The following TRIM71 variants were observed in gnomAD, a reference collection of about 807,000 sequenced individuals.
The protein encoded by TRIM71 is E3 ubiquitin-protein ligase TRIM71.
Under a neutral mutation model 61.2 loss-of-function variants are expected in TRIM71, and 9 were observed. The observed-to-expected ratio is 0.15, with a 90% CI of 0.09 to 0.26. The LOEUF is 0.26. TRIM71 is among the 10% of genes least tolerant of loss of function. The pLI, the probability that TRIM71 is intolerant of heterozygous loss-of-function variation, is 1.00. For synonymous variants in TRIM71, 645 were observed against 553.2 expected, an observed-to-expected ratio of 1.17 and a Z score of -2.33; for missense variants, 998 against 1,238.7, an observed-to-expected ratio of 0.81 and a Z score of 2.92.
At chr3:32,867,008 C>T (rs1696745019) in intron 1 of TRIM71, among the ~76,000 whole-genome samples, 1 of 152,122 alleles carries the variant, frequency 6.6e-6, no homozygotes, top group Admixed American at 6.5e-5. Context: ...CCCTGGGTAC[C>T]AGCAGTTGCG....
chr3:32,859,942 T>C (rs945519094), intron 1 of TRIM71, among the ~76,000 whole-genome samples: 3 of 152,134 alleles, frequency 2.0e-5, no homozygotes, highest in African/African-American at 7.2e-5. Context: ...TGGGCCCTTC[T>C]TCCTCAGGTC....
intron 1 of TRIM71, among the ~76,000 whole-genome samples, chr3:32,872,350 T>G (rs1696805643): frequency 1.3e-5 from 2 of 152,190 alleles, no homozygotes; most frequent in African/African-American, 4.8e-5. Flanking sequence ...GAGTAACTTC[T>G]GTGTGCTTGA....
Position 32,850,109 on chromosome 3 carries a change from C to A in TRIM71, c.853-23709C>A, listed in dbSNP as rs966715629. Among the ~76,000 whole-genome samples the A allele has an allele frequency of 3.9e-5, 6 of 152,242 alleles. No homozygotes were observed. The South Asian group carries it at 1.2e-3, about 31-fold the overall frequency. On this transcript the variant is annotated intron_variant, in intron 1 of 3. Transcript: ENST00000383763. ...GGAGGTTCGTTGTCTTCCAGTCTCCCTCCGTTCCGTGCCTCTTTTCCAAAG... is the reference window on the plus strand; with the variant it reads ...GGAGGTTCGTTGTCTTCCAGTCTCCATCCGTTCCGTGCCTCTTTTCCAAAG...
chr3:32,852,482 CAA>C (rs1387903051), intron 1 of TRIM71, among the ~76,000 whole-genome samples: 1 of 152,150 alleles, frequency 6.6e-6, no homozygotes, highest in African/African-American at 2.4e-5. Context: ...CAAAGCAAGA[CAA>C]GAGCATTTTG....
rs1697043884 is a variant in TRIM71 at position 32,893,108 on chromosome 3, A to AC, written c.*1300dup. On this transcript the variant is annotated 3_prime_UTR_variant, in exon 4 of 4. Coordinates refer to ENST00000383763, the MANE Select transcript of TRIM71 (RefSeq NM_001039111.3). ...ATTAATACCAACAGCCCAGTCCCAC[A>AC]CCCTCTGCTTGGGTCACTTTTTATA... 6.6e-6 allele frequency: 1 copy of AC among 151,872 alleles called. No individual in the cohort carries two copies. Among genetic ancestry groups the AC allele is most frequent in the Admixed American group, 6.6e-5 (1 of 15,230 alleles). The allele number at this position is 151,872 out of a possible 1,614,324, so 9.4% of individuals were successfully genotyped here.
chr3:32,882,068 A>G (rs1036180119), intron 2 of TRIM71, among the ~76,000 whole-genome samples: 1 of 152,198 alleles, frequency 6.6e-6, no homozygotes, highest in Admixed American at 6.5e-5. Context: ...TGGCTAGGAG[A>G]CTAGGGGAAG....
At chr3:32,884,563 A>G (rs1005216367) in intron 2 of TRIM71, among the ~76,000 whole-genome samples, 1 of 151,784 alleles carries the variant, frequency 6.6e-6, no homozygotes, top group African/African-American at 2.4e-5. Context: ...AAGAAAGAAA[A>G]AGAAATGCCC....
chr3:32,851,931 T>C, intron 1 of TRIM71, among the ~76,000 whole-genome samples: 1 of 152,212 alleles, frequency 6.6e-6, no homozygotes, highest in East Asian at 1.9e-4. Context: ...ATGTTATCAC[T>C]TAGGCATAGC....
chr3:32,823,090 A>C (rs939882187), intron 1 of TRIM71, among the ~76,000 whole-genome samples: 1 of 152,168 alleles, frequency 6.6e-6, no homozygotes, highest in Non-Finnish European at 1.5e-5. Flanking sequence ...GGAAAACCAA[A>C]CCTAACTGCC....
intron 1 of TRIM71, 49 bp from the exon 2 acceptor site, chr3:32,873,769 C>T (rs1312621882): frequency 2.1e-6 from 3 of 1,420,296 alleles, no homozygotes; most frequent in Admixed American, 2.2e-5. Flanking sequence ...CTTCCCTCCT[C>T]CTCCCGTCCT....
intron 1 of TRIM71, among the ~76,000 whole-genome samples, chr3:32,842,338 C>T (rs1017642761): frequency 6.6e-6 from 1 of 152,216 alleles, no homozygotes; most frequent in Non-Finnish European, 1.5e-5. Context: ...TTTCATGACT[C>T]AAGCTTGCCT....
chr3:32,846,564 C>T (rs1696477308), intron 1 of TRIM71, among the ~76,000 whole-genome samples: 1 of 152,154 alleles, frequency 6.6e-6, no homozygotes, highest in African/African-American at 2.4e-5. Context: ...ACTGTGGTCA[C>T]CATGCTGTGC....
Position 32,855,990 on chromosome 3 carries a change from T to TTTTATTTATTTA in TRIM71, c.853-17812_853-17801dup, listed in dbSNP as rs36138060. 6.6e-5 allele frequency among the ~76,000 whole-genome samples: 10 copies of TTTTATTTATTTA among 151,126 alleles called. No individual in the cohort carries two copies. The East Asian group carries it at 1.4e-3, about 21-fold the overall frequency. On this transcript the variant is annotated intron_variant, in intron 1 of 3. Coordinates refer to ENST00000383763, the MANE Select transcript of TRIM71 (RefSeq NM_001039111.3). ...GAAGGTACCTAGTTTTCTCTAATAG[T>TTTTATTTATTTA]TTTATTTATTTATTTATTTATTTAT...
At chr3:32,837,397 G>C (rs890039699) in intron 1 of TRIM71, among the ~76,000 whole-genome samples, 3 of 152,164 alleles carry the variant, frequency 2.0e-5, no homozygotes, top group African/African-American at 7.2e-5. Context: ...TGCTTTTCTG[G>C]TCATGGGTCT....
rs891545037 is a variant in TRIM71, at chr3:32,818,391, C to T, written c.311C>T (p.Ala104Val). ...CDQKVVLAEA[A>V]GMDALPSSAF... ...CAGAAAGTAGTGCTAGCCGAGGCGG[C>T]GGGTATGGACGCGCTGCCTTCGTCC... Residue 104 changes from alanine to valine, a missense_variant, in exon 1 of 4, where the codon GCG becomes GTG. By Grantham distance (64) the Ala-to-Val change is moderately conservative. Coordinates refer to ENST00000383763, the MANE Select transcript of TRIM71 (RefSeq NM_001039111.3). The T allele has an allele frequency of 2.0e-6, 3 of 1,478,138 alleles. No individual in the cohort carries two copies. In the African/African-American group the frequency reaches 4.4e-5, roughly 22 times the overall value. 91.6% of individuals were successfully genotyped at this position (1,478,138 alleles called of 1,614,324 possible).
intron 1 of TRIM71, among the ~76,000 whole-genome samples, chr3:32,834,143 A>C (rs1696306346): frequency 6.6e-6 from 1 of 152,236 alleles, no homozygotes; most frequent in African/African-American, 2.4e-5. Flanking sequence ...AGTTACCTCC[A>C]TGTGTATGGA....
At chr3:32,820,207 G>C (rs1248731673) in intron 1 of TRIM71, among the ~76,000 whole-genome samples, 1 of 152,142 alleles carries the variant, frequency 6.6e-6, no homozygotes, top group Non-Finnish European at 1.5e-5. Flanking sequence ...CTGGAGAGTG[G>C]GTACCGAGCA....
At position 32,890,250 on chromosome 3, in the gene TRIM71, C is replaced by T. The variant is rs1172928853; in HGVS notation, c.1156-110C>T. 9 of 1,410,968 alleles carry T rather than the reference C, an allele frequency of 6.4e-6. No homozygotes were observed. Among genetic ancestry groups the T allele is most frequent in the Non-Finnish European group, 7.7e-6 (8 of 1,044,804 alleles). The allele number at this position is 1,410,968 out of a possible 1,614,324, so 87.4% of individuals were successfully genotyped here. A position where few individuals can be genotyped will look rare whatever the true frequency, so the allele number is the denominator to read the frequency against. ...CAGATGTCTTTTGTAGACCATCCCA[C>T]AATATGTGTTTGTCTGATGCTTCCT... On this transcript the variant is annotated intron_variant, in intron 3 of 3. Transcript: ENST00000383763. The surrounding 1 kb of genome is among the most constrained non-coding windows in gnomAD (Gnocchi z 6.2).
At chr3:32,833,184 TAAAAAAAA>T (rs1182178339) in intron 1 of TRIM71, among the ~76,000 whole-genome samples, 639 of 54,452 alleles carry the variant, frequency 0.012, 36 homozygotes, top group Admixed American at 0.1. Flanking sequence ...ACTCTGTCTT[TAAAAAAAA>T]AAAAAAAAAA....
Sources: allele counts gnomAD v4.1 joint callset (sites outside exome capture counted in the v4.1 genomes callset), GRCh38; gene constraint gnomAD v4.1.1; non-coding constraint Gnocchi (gnomAD v3.1); transcripts MANE v1.5; gene names NCBI Gene and HGNC (gene_info 2026-07-23, HGNC 2026-07-21).